Variants in IMMP2L observed in about 807,000 individuals in gnomAD.
The protein encoded by IMMP2L is inner mitochondrial membrane peptidase subunit 2, also known as mitochondrial inner membrane protease subunit 2.
A neutral mutation model predicts 19.3 loss-of-function variants in IMMP2L; 18 were observed. The observed-to-expected ratio is 0.93, with a 90% CI of 0.64 to 1.38. The LOEUF (loss-of-function observed/expected upper bound fraction) is 1.38, where lower values mean the gene tolerates loss of function less well. Among genes scored for constraint, IMMP2L ranks in the 40% most tolerant of loss-of-function variants. The pLI, the probability that IMMP2L is intolerant of heterozygous loss-of-function variation, is 0.00. For synonymous variants in IMMP2L, 76 were observed against 73.0 expected (o/e 1.04, Z -0.21); for missense variants, 233 against 218.2 (o/e 1.07, Z -0.43).
chr7:110,940,453 C>G lies in IMMP2L; in HGVS notation c.305+23047G>C, dbSNP rs1346256882. On this transcript the variant is annotated intron_variant, in intron 4 of 5. Transcript: ENST00000405709. The stretch of plus-strand genomic sequence containing the variant: ...AAATCTCAGAAATAGAAAGGATCTT[C>G]AGAGATCTCATTCAGCCACTCAGCC... 2.0e-5 allele frequency among the ~76,000 whole-genome samples: 3 copies of G among 152,072 alleles called. No individual in the cohort carries two copies. The East Asian group carries it at 5.8e-4, about 29-fold the overall frequency.
At chr7:111,501,193 C>T (rs1429569517) in intron 2 of IMMP2L, among the ~76,000 whole-genome samples, 19 of 152,012 alleles carry the variant, frequency 1.2e-4, no homozygotes, top group Admixed American at 3.9e-4. Flanking sequence ...CCTCAGGAGC[C>T]GATGCGATCA....
At chr7:110,721,063 C>T (rs1193549253) in intron 5 of IMMP2L, among the ~76,000 whole-genome samples, 2 of 146,986 alleles carry the variant, frequency 1.4e-5, no homozygotes, top group African/African-American at 2.5e-5. Context: ...AAATAAGCTT[C>T]AGGAAGAGTT....
intron 1 of IMMP2L, among the ~76,000 whole-genome samples, chr7:111,542,288 T>C (rs1484958740): frequency 1.2e-4 from 19 of 152,140 alleles, no homozygotes; most frequent in African/African-American, 4.3e-4. Flanking sequence ...GTGAAACTAA[T>C]AAAATAAAAA....
chr7:111,181,674 G>C (rs4730483), intron 3 of IMMP2L, among the ~76,000 whole-genome samples: 56,541 of 151,800 alleles, frequency 0.37, 13,172 homozygotes, highest in Non-Finnish European at 0.52. Context: ...AGATAAATGT[G>C]CAGGTTTTAT....
At chr7:110,835,757 T>A (rs942547331) in intron 5 of IMMP2L, among the ~76,000 whole-genome samples, 10 of 151,012 alleles carry the variant, frequency 6.6e-5, no homozygotes, top group African/African-American at 2.2e-4. Context: ...AAATGTTAAA[T>A]AACAGAAGAT....
chr7:111,295,132 G>A (rs1821490536), intron 3 of IMMP2L, among the ~76,000 whole-genome samples: 1 of 151,862 alleles, frequency 6.6e-6, no homozygotes, highest in South Asian at 2.1e-4. Flanking sequence ...CTTTCAAGGT[G>A]TGACCTGTAA....
intron 4 of IMMP2L, among the ~76,000 whole-genome samples, chr7:110,925,625 A>G (rs537015469): frequency 6.5e-4 from 99 of 152,206 alleles, no homozygotes; most frequent in South Asian, 3.3e-3. Flanking sequence ...ATGAAAGAAC[A>G]TTAAAAAGTT....
chr7:110,977,862 T>C (rs984676819), intron 3 of IMMP2L, among the ~76,000 whole-genome samples: 5 of 152,158 alleles, frequency 3.3e-5, no homozygotes, highest in Admixed American at 3.3e-4. Flanking sequence ...TTTGCATTAG[T>C]TTATGAGCTG....
chr7:111,523,613 A>C (rs181930909), intron 1 of IMMP2L, among the ~76,000 whole-genome samples: 1 of 152,236 alleles, frequency 6.6e-6, no homozygotes, highest in East Asian at 1.9e-4. Context: ...CATATATTGC[A>C]CATAACATTC....
chr7:110,947,359 C>A (rs2129553676), intron 4 of IMMP2L, among the ~76,000 whole-genome samples: 1 of 152,090 alleles, frequency 6.6e-6, no homozygotes, highest in Non-Finnish European at 1.5e-5. Context: ...GGCTCAGGAA[C>A]ATTATAAAGC....
At chr7:110,834,425 A>G (rs1049165473) in intron 5 of IMMP2L, among the ~76,000 whole-genome samples, 2 of 152,062 alleles carry the variant, frequency 1.3e-5, no homozygotes, top group Admixed American at 6.6e-5. Flanking sequence ...ACATATACAC[A>G]TTAGCTCAAC....
At chr7:111,193,460 G>A (rs1212556080) in intron 3 of IMMP2L, among the ~76,000 whole-genome samples, 1 of 152,108 alleles carries the variant, frequency 6.6e-6, no homozygotes, top group Non-Finnish European at 1.5e-5. Context: ...TAAAAAGAAA[G>A]ACCCAGAAAC....
chr7:111,385,046 A>G (rs1274240482), intron 3 of IMMP2L, among the ~76,000 whole-genome samples: 1 of 152,136 alleles, frequency 6.6e-6, no homozygotes, highest in African/African-American at 2.4e-5. Context: ...ATTTTGTGCA[A>G]TGCACTGGGA....
intron 3 of IMMP2L, among the ~76,000 whole-genome samples, chr7:111,324,264 A>G (rs1003949889): frequency 3.9e-5 from 6 of 151,978 alleles, no homozygotes; most frequent in Non-Finnish European, 5.9e-5. Flanking sequence ...GAAAAATAAC[A>G]AAGAAGAAAT....
intron 3 of IMMP2L, among the ~76,000 whole-genome samples, chr7:111,047,448 A>C (rs995895614): frequency 2.6e-5 from 4 of 152,112 alleles, no homozygotes; most frequent in African/African-American, 2.4e-5. Flanking sequence ...TTGGCCTCTC[A>C]AAGTGCTAGG....
rs941409123 is a variant in IMMP2L, at chr7:111,340,900, A to T, written c.239+146338T>A. On this transcript the variant is annotated intron_variant, in intron 3 of 5. Coordinates refer to ENST00000405709, the MANE Select transcript of IMMP2L (RefSeq NM_032549.4). The stretch of plus-strand genomic sequence containing the variant: ...TGGCAAATCTAACCTATGGAGACAA[A>T]AGTCATCTGGGTAAAGACAGGAAGG... Among the ~76,000 whole-genome samples the T allele has an allele frequency of 1.3e-5, 2 of 152,028 alleles. 1 individual carries two copies. Among genetic ancestry groups the T allele is most frequent in the Non-Finnish European group, 2.9e-5 (2 of 67,974 alleles).
intron 3 of IMMP2L, among the ~76,000 whole-genome samples, chr7:111,416,491 T>C (rs1336102606): frequency 3.3e-5 from 5 of 151,952 alleles, no homozygotes; most frequent in African/African-American, 1.2e-4. Context: ...ACATAAAATA[T>C]TAAGCATGTC....
intron 5 of IMMP2L, among the ~76,000 whole-genome samples, chr7:110,723,886 C>T (rs540869594): frequency 1.2e-3 from 186 of 150,102 alleles, no homozygotes; most frequent in Non-Finnish European, 1.9e-3. Context: ...ACAGATGTCT[C>T]GGAACAGTAA....
chr7:111,218,608 A>T (rs1252154517), intron 3 of IMMP2L, among the ~76,000 whole-genome samples: 5 of 152,068 alleles, frequency 3.3e-5, no homozygotes, highest in African/African-American at 1.2e-4. Context: ...TCGTTAACCT[A>T]AAGACAGTTG....
Sources: gnomAD v4.1 joint callset for allele counts (sites outside exome capture counted in the v4.1 genomes callset) on GRCh38, gnomAD v4.1.1 for gene constraint, MANE v1.5 for transcripts, NCBI Gene and HGNC (gene_info 2026-07-23, HGNC 2026-07-21) for gene names.